DTX3: variants seen among roughly 807,000 people sequenced by gnomAD.
DTX3 encodes the protein deltex E3 ubiquitin ligase 3, also known as E3 ubiquitin-protein ligase DTX3.
In DTX3, 10 loss-of-function variants were observed where a neutral mutation model predicts 27.4. That is an observed-to-expected ratio of 0.36 (90% CI 0.22 to 0.62). The LOEUF is 0.62. Ranked by LOEUF, DTX3 falls within the 20% of genes least tolerant of loss-of-function variation. The probability of loss-of-function intolerance (pLI) is 0.68; values close to 1 mark genes in which losing one functional copy is unlikely to be tolerated. For missense variants in DTX3, 319 were observed against 463.8 expected (o/e 0.69, Z 2.87); for synonymous variants, 171 against 190.7 (o/e 0.90, Z 0.85).
chr12:57,606,756 T>C, intron 4 of DTX3, 109 bp from the exon 5 acceptor site: 1 of 1,453,874 alleles, frequency 6.9e-7, no homozygotes, highest in South Asian at 1.4e-5. Context: ...GGGATTAGGC[T>C]TTGAGAAAAC....
chr12:57,607,272 G>A lies in DTX3; in HGVS notation c.409G>A (p.Gly137Arg), dbSNP rs914339274. The change falls in exon 5 of 7, where the codon GGG becomes AGG. Residue 137 changes from glycine (G) to arginine (R), a missense_variant. Coordinates refer to ENST00000337737, the MANE Select transcript of DTX3 (RefSeq NM_178502.4). The surrounding 1 kb of genome is among the most constrained non-coding windows in gnomAD (Gnocchi z 7.7). ...CCCACTTCTGCCCCCAGGAGCTCGG[G>A]GGCTCCCCCCTCCTCCTCCCCCCCT... ...AAPLLPPGARGLPPPPPPLPP... is the reference protein window; with the variant it reads ...AAPLLPPGARRLPPPPPPLPP... 2.5e-6 allele frequency: 4 copies of A among 1,580,094 alleles called. No individual in the cohort carries two copies. Among genetic ancestry groups the A allele is most frequent in the Non-Finnish European group, 3.4e-6 (4 of 1,163,562 alleles).
chr12:57,609,511 C>CT lies in DTX3; in HGVS notation c.*361dup, dbSNP rs1883925680. On this transcript the variant is annotated 3_prime_UTR_variant, in exon 7 of 7. Coordinates refer to ENST00000337737, the MANE Select transcript of DTX3 (RefSeq NM_178502.4). ...ACCTAGGGTGGGGAAGGGAGGGTCT[C>CT]TTGATTCCTAACCGCCCCCACATAC... 4.3e-6 allele frequency: 1 copy of CT among 233,150 alleles called. No individual in the cohort carries two copies. The highest frequency in any genetic ancestry group is 8.6e-6 in the Non-Finnish European group (1 of 116,644). The allele number at this position is 233,150 out of a possible 1,614,324, so 14.4% of individuals were successfully genotyped here.
chr12:57,609,208 A>T lies in DTX3; in HGVS notation c.*56A>T. On this transcript the variant is annotated 3_prime_UTR_variant, in exon 7 of 7. Coordinates refer to ENST00000337737, the MANE Select transcript of DTX3 (RefSeq NM_178502.4). ...TCTGCCTCTACTAGGACCCAGCAGA[A>T]GCCTCTTTCTCCTCTCTGCCCCCTG... 1 of 1,539,876 alleles carries T rather than the reference A, an allele frequency of 6.5e-7. No homozygotes were observed. Among genetic ancestry groups the T allele is most frequent in the Non-Finnish European group, 9.0e-7 (1 of 1,114,192 alleles).
rs922019213 is a variant in DTX3, at chr12:57,608,408, C to T, written c.751-112C>T. On this transcript the variant is annotated intron_variant, in intron 5 of 6. Transcript: ENST00000337737. The surrounding 1 kb of genome is among the most constrained non-coding windows in gnomAD (Gnocchi z 6.1). ...GCTGTCAGCCTGTTGCTGCCCCGTT[C>T]GCATTAGCTGGGGGTGCTCAGACAG... 8.3e-5 allele frequency: 77 copies of T among 927,192 alleles called. 1 individual carries two copies. Among genetic ancestry groups the T allele is most frequent in the African/African-American group, 4.3e-4 (26 of 60,252 alleles). The allele number at this position is 927,192 out of a possible 1,614,324, so 57.4% of individuals were successfully genotyped here. A position where few individuals can be genotyped will look rare whatever the true frequency, so the allele number is the denominator to read the frequency against.
chr12:57,606,902 C>T lies in DTX3; in HGVS notation c.39C>T (p.Gly13=). ...FVLSRMAACG[G]TCKNKVTVSK... ...TGTCCAGAATGGCAGCCTGTGGAGGCACCTGCAAGAACAAAGTGACTGTGT... is the reference window on the plus strand; with the variant it reads ...TGTCCAGAATGGCAGCCTGTGGAGGTACCTGCAAGAACAAAGTGACTGTGT... The change falls in exon 5 of 7, where the codon GGC becomes GGT. Residue 13 remains glycine, a synonymous_variant. Coordinates refer to ENST00000337737, the MANE Select transcript of DTX3 (RefSeq NM_178502.4). The T allele has an allele frequency of 6.2e-7, 1 of 1,613,820 alleles. No homozygotes were observed. Among genetic ancestry groups the T allele is most frequent in the Non-Finnish European group, 8.5e-7 (1 of 1,179,824 alleles).
Position 57,607,601 on chromosome 12 carries a change from C to T in DTX3, c.738C>T (p.Pro246=), listed in dbSNP as rs372374680. 11 of 1,613,996 alleles carry T rather than the reference C, an allele frequency of 6.8e-6. No homozygotes were observed. Among genetic ancestry groups the T allele is most frequent in the East Asian group, 2.2e-5 (1 of 44,884 alleles). ...GTIVIQYVFP[P]GVQGAEHPNP... ...TTGTCATCCAGTACGTCTTCCCGCC[C>T]GGTGTCCAGGGGGTAAGAAGACCAT... Residue 246 remains proline (P), a synonymous_variant, in exon 5 of 7, where the codon CCC becomes CCT. Transcript: ENST00000337737. The surrounding 1 kb of genome is among the most constrained non-coding windows in gnomAD (Gnocchi z 7.7).
rs548224999 is a variant in DTX3 at position 57,608,430 on chromosome 12, A to G, written c.751-90A>G. 9.8e-6 allele frequency: 12 copies of G among 1,221,566 alleles called. No individual in the cohort carries two copies. In the African/African-American group the frequency reaches 1.7e-4, roughly 17 times the overall value. 75.7% of individuals were successfully genotyped at this position (1,221,566 alleles called of 1,614,324 possible). A position where few individuals can be genotyped will look rare whatever the true frequency, so the allele number is the denominator to read the frequency against. On this transcript the variant is annotated intron_variant, in intron 5 of 6. Transcript: ENST00000337737. This position sits in a 1 kb window ranked among gnomAD's most constrained non-coding sequence, Gnocchi z 6.1. ...GTTCGCATTAGCTGGGGGTGCTCAG[A>G]CAGAGACTAGCCTGGATGACCCTCC...
Position 57,608,833 on chromosome 12 carries a change from C to A in DTX3, c.968+96C>A. On this transcript the variant is annotated intron_variant, in intron 6 of 6. Coordinates refer to ENST00000337737, the MANE Select transcript of DTX3 (RefSeq NM_178502.4). The surrounding 1 kb of genome is among the most constrained non-coding windows in gnomAD (Gnocchi z 6.1). The stretch of plus-strand genomic sequence containing the variant: ...ACCCCTCGCTCACGGAGCCTCCTAA[C>A]TGGAGAGAACCACTTCCAAACTGTT... 7.2e-7 allele frequency: 1 copy of A among 1,392,904 alleles called. No homozygotes were observed. The highest frequency in any genetic ancestry group is 1.0e-6 in the Non-Finnish European group (1 of 1,002,190). 86.3% of individuals were successfully genotyped at this position (1,392,904 alleles called of 1,614,324 possible). A position where few individuals can be genotyped will look rare whatever the true frequency, so the allele number is the denominator to read the frequency against.
chr12:57,609,113 G>T lies in DTX3; in HGVS notation c.1005G>T (p.Val335=), dbSNP rs1883897235. The T allele has an allele frequency of 3.7e-6, 6 of 1,614,182 alleles. No individual in the cohort carries two copies. The highest frequency in any genetic ancestry group is 5.1e-6 in the Non-Finnish European group (6 of 1,180,024). ...CAGACCCCACCTACCTGACCCGGGT[G>T]CAAGAGGAGCTGAGAGCGAAGGGTA... is the stretch of plus-strand genomic sequence containing the variant. ...GYPDPTYLTR[V]QEELRAKGIT... is the part of the protein sequence containing the mutation. The change falls in exon 7 of 7, where the codon GTG becomes GTT. Residue 335 remains valine (V), a synonymous_variant. Transcript: ENST00000337737.
chr12:57,608,575 T>C lies in DTX3; in HGVS notation c.806T>C (p.Leu269Pro). The change falls in exon 6 of 7, where the codon CTC becomes CCC. Residue 269 changes from leucine (L) to proline (P), a missense_variant. Transcript: ENST00000337737. The surrounding 1 kb of genome is among the most constrained non-coding windows in gnomAD (Gnocchi z 6.1). ...RYPGTTRVAY[L>P]PDCPEGNKVL... ...CCTGGCACCACACGGGTGGCCTACC[T>C]CCCGGACTGCCCTGAGGGCAACAAG... 6.2e-7 allele frequency: 1 copy of C among 1,613,554 alleles called. No homozygotes were observed. Among genetic ancestry groups the C allele is most frequent in the Non-Finnish European group, 8.5e-7 (1 of 1,179,580 alleles).
At position 57,607,476 on chromosome 12, in the gene DTX3, T is replaced by C. The variant is rs1883795552; in HGVS notation, c.613T>C (p.Phe205Leu). The C allele has an allele frequency of 6.2e-7, 1 of 1,614,176 alleles. No homozygotes were observed. The change falls in exon 5 of 7, where the codon TTC (phenylalanine) becomes CTC (leucine). Residue 205 changes from phenylalanine (F) to leucine (L), a missense_variant. Transcript: ENST00000337737. This position sits in a 1 kb window ranked among gnomAD's most constrained non-coding sequence, Gnocchi z 7.7. Reference protein sequence around the residue: ...VKKACPMCGRFYGQLVGNQPQ... With the variant: ...VKKACPMCGRLYGQLVGNQPQ... Reference sequence around the variant, plus strand: ...AAAGGCCTGCCCCATGTGCGGCCGCTTCTATGGGCAGCTGGTGGGCAACCA... The same window carrying C: ...AAAGGCCTGCCCCATGTGCGGCCGCCTCTATGGGCAGCTGGTGGGCAACCA...
At chr12:57,609,054 C>A in intron 6 of DTX3, 23 bp from the exon 7 acceptor site, 1 of 1,610,410 alleles carries the variant, frequency 6.2e-7, no homozygotes, top group East Asian at 2.2e-5. Context: ...ACAACCCTCA[C>A]CCTCATTTCT....
In DTX3 at chr12:57,607,533, G is replaced by A; in HGVS notation, c.670G>A (p.Asp224Asn). 1 of 1,614,218 alleles carries A rather than the reference G, an allele frequency of 6.2e-7. No individual in the cohort carries two copies. Among genetic ancestry groups the A allele is most frequent in the Non-Finnish European group, 8.5e-7 (1 of 1,180,036 alleles). Residue 224 changes from aspartate to asparagine, a missense_variant, in exon 5 of 7, where the codon GAC becomes AAC. This residue lies in a region of DTX3 where 117 missense variants were observed against 258.5 expected (regional missense o/e 0.45). Coordinates refer to ENST00000337737, the MANE Select transcript of DTX3 (RefSeq NM_178502.4). The surrounding 1 kb of genome is among the most constrained non-coding windows in gnomAD (Gnocchi z 7.7). ...GAATGGGCGGATGCTGGTCTCTAAG[G>A]ACGCCACCCTCCTACTGCCCAGCTA... Reference protein sequence around the residue: ...PQNGRMLVSKDATLLLPSYEK... With the variant: ...PQNGRMLVSKNATLLLPSYEK...
chr12:57,608,581 A>G lies in DTX3; in HGVS notation c.812A>G (p.Asp271Gly). Reference protein sequence around the residue: ...PGTTRVAYLPDCPEGNKVLTL... With the variant: ...PGTTRVAYLPGCPEGNKVLTL... ...ACCACACGGGTGGCCTACCTCCCGG[A>G]CTGCCCTGAGGGCAACAAGGTGCTG... is the stretch of plus-strand genomic sequence containing the variant. The change falls in exon 6 of 7, where the codon GAC becomes GGC. Residue 271 changes from aspartate to glycine, a missense_variant. This residue lies in a region of DTX3 where 117 missense variants were observed against 258.5 expected (regional missense o/e 0.45). Coordinates refer to ENST00000337737, the MANE Select transcript of DTX3 (RefSeq NM_178502.4). This position sits in a 1 kb window ranked among gnomAD's most constrained non-coding sequence, Gnocchi z 6.1. 3 of 1,613,902 alleles carry G rather than the reference A, an allele frequency of 1.9e-6. No homozygotes were observed. Among genetic ancestry groups the G allele is most frequent in the Non-Finnish European group, 2.5e-6 (3 of 1,179,798 alleles).
rs1309881674 is a variant in DTX3 at position 57,608,023 on chromosome 12, G to T, written c.750+410G>T. ...GCATCACTCTGTAAAAACAGGAGTA[G>T]TCAAGGCCTATAGGTGTCTTCCTGC... is the stretch of plus-strand genomic sequence containing the variant. On this transcript the variant is annotated intron_variant, in intron 5 of 6. Transcript: ENST00000337737. The surrounding 1 kb of genome is among the most constrained non-coding windows in gnomAD (Gnocchi z 6.1). 6.6e-6 allele frequency among the ~76,000 whole-genome samples: 1 copy of T among 152,208 alleles called. No individual in the cohort carries two copies. Among genetic ancestry groups the T allele is most frequent in the Admixed American group, 6.5e-5 (1 of 15,286 alleles).
In DTX3 at chr12:57,608,609, C is replaced by T; in HGVS notation, c.840C>T (p.Thr280=). ...GCCCTGAGGGCAACAAGGTGCTGAC[C>T]CTGTTCCGCAAGGCGTTTGACCAGC... ...PDCPEGNKVL[T]LFRKAFDQRL... is the part of the protein sequence containing the mutation. The change falls in exon 6 of 7, where the codon ACC becomes ACT. Residue 280 remains threonine (T), a synonymous_variant. Transcript: ENST00000337737. The surrounding 1 kb of genome is among the most constrained non-coding windows in gnomAD (Gnocchi z 6.1). 1 of 1,614,222 alleles carries T rather than the reference C, an allele frequency of 6.2e-7. No homozygotes were observed. The highest frequency in any genetic ancestry group is 8.5e-7 in the Non-Finnish European group (1 of 1,180,034).
Position 57,606,936 on chromosome 12 carries a change from G to T in DTX3, c.73G>T (p.Val25Leu), listed in dbSNP as rs371981174. The T allele has an allele frequency of 1.9e-6, 3 of 1,614,222 alleles. No individual in the cohort carries two copies. The part of the protein sequence containing the change: ...CKNKVTVSKP[V>L]WDFLSKETPA... ...GAACAAAGTGACTGTGTCCAAGCCC[G>T]TGTGGGACTTCCTGAGCAAAGAGAC... Residue 25 changes from valine to leucine, a missense_variant, in exon 5 of 7, where the codon GTG becomes TTG. Coordinates refer to ENST00000337737, the MANE Select transcript of DTX3 (RefSeq NM_178502.4).
Position 57,607,676 on chromosome 12 carries a change from G to C in DTX3, c.750+63G>C. 2 of 1,598,590 alleles carry C rather than the reference G, an allele frequency of 1.3e-6. No homozygotes were observed. The highest frequency in any genetic ancestry group is 1.7e-6 in the Non-Finnish European group (2 of 1,167,174). ...CCCCAAGCTCTGACCTAGGAAAACC[G>C]GGTGAGGGTGAGTGTGCTTGTTAGA... On this transcript the variant is annotated intron_variant, in intron 5 of 6. Coordinates refer to ENST00000337737, the MANE Select transcript of DTX3 (RefSeq NM_178502.4). This position sits in a 1 kb window ranked among gnomAD's most constrained non-coding sequence, Gnocchi z 7.7.
Position 57,607,337 on chromosome 12 carries a change from A to G in DTX3, c.474A>G (p.Glu158=). Residue 158 remains glutamate, a synonymous_variant, in exon 5 of 7, where the codon GAA becomes GAG. Transcript: ENST00000337737. The surrounding 1 kb of genome is among the most constrained non-coding windows in gnomAD (Gnocchi z 7.7). ...CTCCTCGCCTTCGGGAGGAGGCAGA[A>G]GAGCAGGAGAGCACCTGCCCCATCT... ...PLPPRLREEA[E]EQESTCPICL... is the part of the protein sequence containing the mutation. The G allele has an allele frequency of 6.2e-7, 1 of 1,610,000 alleles. No individual in the cohort carries two copies. The highest frequency in any genetic ancestry group is 2.2e-5 in the East Asian group (1 of 44,678).
Sources: gnomAD v4.1 joint callset for allele counts (sites outside exome capture counted in the v4.1 genomes callset) on GRCh38, gnomAD v4.1.1 for gene constraint, gnomAD v4.1.1 regional missense constraint, Gnocchi (gnomAD v3.1) non-coding constraint, MANE v1.5 for transcripts, NCBI Gene and HGNC (gene_info 2026-07-23, HGNC 2026-07-21) for gene names.